VWA8: variants seen among roughly 807,000 people sequenced by gnomAD.
The protein encoded by VWA8 is von Willebrand factor A domain containing 8.
VWA8 carries 221 observed loss-of-function variants against 241.5 expected under a neutral mutation model. The ratio of observed to expected loss-of-function variants is 0.91; its 90% CI spans 0.82 to 1.02. VWA8 has a LOEUF of 1.02. Ranked by LOEUF, VWA8 falls within the 50% of genes least tolerant of loss-of-function variation. The pLI is 0.00. For missense variants in VWA8, 2,322 were observed against 2,328.7 expected (o/e 1.00, Z 0.06); for synonymous variants, 852 against 827.1 (o/e 1.03, Z -0.52).
chr13:41,731,284 A>T (rs1406549056), intron 22 of VWA8, among the ~76,000 whole-genome samples: 1 of 152,052 alleles, frequency 6.6e-6, no homozygotes, highest in East Asian at 1.9e-4. Flanking sequence ...CATGCCTGGC[A>T]GGCTGAGATT....
chr13:41,766,382 A>T (rs2045779341), intron 20 of VWA8, among the ~76,000 whole-genome samples: 1 of 152,200 alleles, frequency 6.6e-6, no homozygotes, highest in Non-Finnish European at 1.5e-5. Flanking sequence ...AAACAGGCAA[A>T]GAGAAAATTA....
intron 42 of VWA8, among the ~76,000 whole-genome samples, chr13:41,583,457 T>C (rs2044396612): frequency 1.3e-5 from 2 of 151,794 alleles, no homozygotes. Flanking sequence ...GCCTGGCCAA[T>C]ATGGTGAAAC....
At chr13:41,865,645 C>T in intron 12 of VWA8, 91 bp downstream of exon 12, 1 of 1,385,950 alleles carries the variant, frequency 7.2e-7, no homozygotes, top group African/African-American at 1.5e-5. Context: ...TAAAAAAACA[C>T]AGGTCATAAC....
At position 41,907,747 on chromosome 13, in the gene VWA8, A is replaced by G. The variant is rs183746217; in HGVS notation, c.373-51T>C. 3.9e-6 allele frequency: 6 copies of G among 1,532,820 alleles called. No individual in the cohort carries two copies. In the East Asian group the frequency reaches 1.4e-4, roughly 35 times the overall value. 95.0% of individuals were successfully genotyped at this position (1,532,820 alleles called of 1,614,324 possible). A position where few individuals can be genotyped will look rare whatever the true frequency, so the allele number is the denominator to read the frequency against. ...CCAAAAATAAAATCAAATTTCCAGC[A>G]TATGATTTGGAACTAGTTATCTGAC... On this transcript the variant is annotated intron_variant, in intron 3 of 44. Coordinates refer to ENST00000379310, the MANE Select transcript of VWA8 (RefSeq NM_015058.2).
chr13:41,611,233 T>C (rs545211572), intron 39 of VWA8, among the ~76,000 whole-genome samples: 1 of 152,328 alleles, frequency 6.6e-6, no homozygotes, highest in South Asian at 2.1e-4. Flanking sequence ...TGTGTGTATG[T>C]ATGTTCCCTT....
At chr13:41,757,863 C>T (rs767987778) in intron 21 of VWA8, among the ~76,000 whole-genome samples, 7 of 151,532 alleles carry the variant, frequency 4.6e-5, no homozygotes, top group Non-Finnish European at 7.4e-5. Context: ...GGGCTTTCTA[C>T]GGAACAAATT....
At chr13:41,655,317 G>A (rs2044896431) in intron 37 of VWA8, among the ~76,000 whole-genome samples, 1 of 152,112 alleles carries the variant, frequency 6.6e-6, no homozygotes, top group Non-Finnish European at 1.5e-5. Context: ...TCAAACTCCT[G>A]ACGTCAGTTG....
intron 25 of VWA8, 66 bp downstream of exon 25, chr13:41,721,304 C>A: frequency 1.3e-6 from 2 of 1,533,952 alleles, no homozygotes; most frequent in Non-Finnish European, 1.8e-6. Flanking sequence ...CTGGTACAAA[C>A]TGTACAGTCT....
intron 20 of VWA8, among the ~76,000 whole-genome samples, chr13:41,763,308 A>AATAAATAG (rs1555332023): frequency 0.033 from 4,783 of 145,752 alleles, 72 homozygotes; most frequent in South Asian, 0.04. Context: ...TAAATAAATA[A>AATAAATAG]ATAGATAGAT....
rs536667890 is a variant in VWA8, at chr13:41,627,544, A to T, written c.4612-12460T>A. ...TTTTTATGGTTTGAATCTTCTGGAA[A>T]CATCAGAGAAAGACTGTCCTTGCCA... is the stretch of plus-strand genomic sequence containing the variant. On this transcript the variant is annotated intron_variant, in intron 37 of 44. Transcript: ENST00000379310. Among the ~76,000 whole-genome samples the T allele has an allele frequency of 3.3e-5, 5 of 152,314 alleles. No homozygotes were observed. In the East Asian group the frequency reaches 9.6e-4, roughly 29 times the overall value.
intron 36 of VWA8, among the ~76,000 whole-genome samples, chr13:41,673,405 T>G (rs770044045): frequency 5.9e-5 from 9 of 152,170 alleles, no homozygotes; most frequent in Non-Finnish European, 1.3e-4. Context: ...GTTGTTCCCT[T>G]GGATTTTATA....
intron 43 of VWA8, among the ~76,000 whole-genome samples, chr13:41,572,898 G>A (rs1468214217): frequency 5.3e-5 from 8 of 150,544 alleles, no homozygotes; most frequent in Admixed American, 4.6e-4. Flanking sequence ...TCACAAGGTC[G>A]GGAGTTCGAG....
intron 35 of VWA8, among the ~76,000 whole-genome samples, chr13:41,682,516 C>T (rs117110122): frequency 2.6e-5 from 4 of 152,152 alleles, no homozygotes; most frequent in Non-Finnish European, 5.9e-5. Context: ...TGTATCTACA[C>T]TAAAGAACAC....
intron 26 of VWA8, among the ~76,000 whole-genome samples, chr13:41,715,216 T>A (rs1174370120): frequency 6.6e-6 from 1 of 151,958 alleles, no homozygotes. Flanking sequence ...AATGTTTCTA[T>A]TACCATCATC....
At chr13:41,637,454 C>A (rs1012755100) in intron 37 of VWA8, among the ~76,000 whole-genome samples, 3 of 150,022 alleles carry the variant, frequency 2.0e-5, no homozygotes, top group South Asian at 2.1e-4. Context: ...AGGAGATATA[C>A]CTAATGCTAA....
intron 1 of VWA8, among the ~76,000 whole-genome samples, chr13:41,953,421 C>T (rs1427978745): frequency 6.6e-6 from 1 of 152,172 alleles, no homozygotes; most frequent in Non-Finnish European, 1.5e-5. Context: ...GTAATTGGTT[C>T]CTCATGATCA....
chr13:41,773,967 T>A (rs1195278892), intron 20 of VWA8, among the ~76,000 whole-genome samples: 3 of 152,220 alleles, frequency 2.0e-5, no homozygotes, highest in Non-Finnish European at 4.4e-5. Flanking sequence ...AGGTAGTCCC[T>A]AGATTTTATC....
intron 26 of VWA8, among the ~76,000 whole-genome samples, chr13:41,709,327 T>C (rs1216388713): frequency 6.6e-6 from 1 of 152,224 alleles, no homozygotes; most frequent in Admixed American, 6.5e-5. Flanking sequence ...TCTTTTTCAT[T>C]GCCACGGCCA....
chr13:41,809,046 T>G (rs555367058), intron 17 of VWA8, among the ~76,000 whole-genome samples: 8 of 152,018 alleles, frequency 5.3e-5, no homozygotes, highest in African/African-American at 1.7e-4. Flanking sequence ...AGAATAAACT[T>G]AACCAAAGAA....
Sources: gnomAD v4.1 joint callset for allele counts (sites outside exome capture counted in the v4.1 genomes callset) on GRCh38, gnomAD v4.1.1 for gene constraint, MANE v1.5 for transcripts, NCBI Gene and HGNC (gene_info 2026-07-23, HGNC 2026-07-21) for gene names.